The following PCSK5 variants were observed in gnomAD, a reference collection of about 807,000 sequenced individuals.
PCSK5 encodes proprotein convertase subtilisin/kexin type 5, also known as prohormone convertase 5.
In PCSK5, 129 loss-of-function variants were observed where a neutral mutation model predicts 233.2. The ratio of observed to expected loss-of-function variants is 0.55; its 90% CI spans 0.48 to 0.64. The LOEUF (loss-of-function observed/expected upper bound fraction) is 0.64, where lower values mean the gene tolerates loss of function less well. Ranked by LOEUF, PCSK5 falls within the 30% of genes least tolerant of loss-of-function variation. The probability of loss-of-function intolerance (pLI) is 0.00; values close to 1 mark genes in which losing one functional copy is unlikely to be tolerated. For missense variants in PCSK5, 2,076 were observed against 2,430.1 expected (o/e 0.85, Z 3.06); for synonymous variants, 825 against 879.2 (o/e 0.94, Z 1.09).
intron 11 of PCSK5, among the ~76,000 whole-genome samples, chr9:76,157,516 A>T (rs1196396148): frequency 2.0e-5 from 3 of 149,716 alleles, no homozygotes; most frequent in Middle Eastern, 3.2e-3. Context: ...GTAGTTATCC[A>T]AAGAGTGGTA....
At position 76,189,688 on chromosome 9, in the gene PCSK5, C is replaced by T. The variant is rs138803714; in HGVS notation, c.2568C>T (p.Cys856=). ...CAGGATTCAAGAACTGTACAAGCTGCCCTAGTGGGTATCTCTTAGACTTAG... is the reference window on the plus strand; with the variant it reads ...CAGGATTCAAGAACTGTACAAGCTGTCCTAGTGGGTATCTCTTAGACTTAG... ...NGPGFKNCTS[C]PSGYLLDLGM... is the part of the protein sequence containing the mutation. The change falls in exon 20 of 38, where the codon TGC becomes TGT. Residue 856 remains cysteine (C), a synonymous_variant. Coordinates refer to ENST00000674117, the MANE Select transcript of PCSK5 (RefSeq NM_001372043.1). The T allele has an allele frequency of 5.0e-6, 8 of 1,613,160 alleles. No individual in the cohort carries two copies. The African/African-American group carries it at 6.7e-5, about 13-fold the overall frequency.
intron 2 of PCSK5, among the ~76,000 whole-genome samples, chr9:75,954,816 C>T (rs908549229): frequency 6.6e-6 from 1 of 152,166 alleles, no homozygotes; most frequent in Non-Finnish European, 1.5e-5. Flanking sequence ...CAGTTCTGTG[C>T]TGTCCTTGCC....
Position 76,244,648 on chromosome 9 carries a change from A to AAC in PCSK5, c.3142+3964_3142+3965insAC, listed in dbSNP as rs1554711310. Among the ~76,000 whole-genome samples the AAC allele has an allele frequency of 1.9e-4, 28 of 150,462 alleles. No homozygotes were observed. The East Asian group carries it at 3.9e-3, about 21-fold the overall frequency. ...CTATCTTTTATACCTAACAAAAAAA[A>AAC]CCCTCAAATTCCAGATTAACTAGAA... is the stretch of plus-strand genomic sequence containing the variant. On this transcript the variant is annotated intron_variant, in intron 24 of 37. Coordinates refer to ENST00000674117, the MANE Select transcript of PCSK5 (RefSeq NM_001372043.1).
chr9:76,142,369 C>T (rs1030741837), intron 10 of PCSK5, among the ~76,000 whole-genome samples: 4 of 151,844 alleles, frequency 2.6e-5, no homozygotes, highest in African/African-American at 9.7e-5. Context: ...CAGAAAAGTC[C>T]TCTTTAATTT....
chr9:76,338,813 C>T, intron 35 of PCSK5, among the ~76,000 whole-genome samples: 1 of 152,100 alleles, frequency 6.6e-6, no homozygotes, highest in East Asian at 1.9e-4. Context: ...TCCCAAGCTC[C>T]ATGCCTCTTT....
intron 12 of PCSK5, among the ~76,000 whole-genome samples, chr9:76,165,809 C>CA (rs1823063114): frequency 1.3e-5 from 2 of 152,190 alleles, no homozygotes; most frequent in Admixed American, 6.5e-5. Flanking sequence ...TGTGTCTGAT[C>CA]TCTTCACTGT....
chr9:76,237,942 G>A (rs1826301353), intron 22 of PCSK5, among the ~76,000 whole-genome samples: 2 of 152,154 alleles, frequency 1.3e-5, no homozygotes, highest in South Asian at 2.1e-4. Flanking sequence ...TGCAACATGG[G>A]GTTAGTGCTA....
intron 5 of PCSK5, among the ~76,000 whole-genome samples, chr9:76,055,210 C>T (rs1039763125): frequency 1.3e-5 from 2 of 151,980 alleles, no homozygotes; most frequent in Admixed American, 6.6e-5. Flanking sequence ...TGAACATAAT[C>T]TTGTATTATT....
chr9:75,945,567 T>G (rs1824527642), intron 2 of PCSK5, among the ~76,000 whole-genome samples: 1 of 152,096 alleles, frequency 6.6e-6, no homozygotes, highest in South Asian at 2.1e-4. Flanking sequence ...TCTACAGTCA[T>G]TCTCCACAGA....
chr9:76,355,324 T>C (rs1223881316), intron 37 of PCSK5, among the ~76,000 whole-genome samples: 1 of 151,950 alleles, frequency 6.6e-6, no homozygotes, highest in African/African-American at 2.4e-5. Context: ...TACAAAAAAA[T>C]TAGCCAGGCG....
At chr9:76,302,888 C>G (rs895329732) in intron 28 of PCSK5, among the ~76,000 whole-genome samples, 1 of 151,308 alleles carries the variant, frequency 6.6e-6, no homozygotes, top group African/African-American at 2.4e-5. Flanking sequence ...TAAATGAACC[C>G]CTTGCTTTAT....
chr9:76,350,674 T>A (rs1254032509), intron 35 of PCSK5, among the ~76,000 whole-genome samples, 154 bp from the exon 36 acceptor site: 1 of 152,236 alleles, frequency 6.6e-6, no homozygotes, highest in Non-Finnish European at 1.5e-5. Context: ...ATTTCTACTT[T>A]GTGTGGGAGA....
At chr9:76,108,850 G>A (rs1323270288) in intron 9 of PCSK5, among the ~76,000 whole-genome samples, 1 of 152,168 alleles carries the variant, frequency 6.6e-6, no homozygotes, top group Non-Finnish European at 1.5e-5. Context: ...CTATGTTAAG[G>A]CAGCTGGACC....
At chr9:76,268,578 T>C (rs2131369995) in intron 24 of PCSK5, among the ~76,000 whole-genome samples, 1 of 152,338 alleles carries the variant, frequency 6.6e-6, no homozygotes, top group Non-Finnish European at 1.5e-5. Flanking sequence ...GTGCAGTGGC[T>C]CATGCCTATA....
intron 17 of PCSK5, among the ~76,000 whole-genome samples, chr9:76,185,835 A>G (rs1040635442): frequency 7.2e-5 from 11 of 152,210 alleles, no homozygotes; most frequent in Non-Finnish European, 1.5e-4. Context: ...TGATGATAAT[A>G]ATAATCCCTG....
At chr9:76,220,588 C>T (rs1034508942) in intron 20 of PCSK5, among the ~76,000 whole-genome samples, 2 of 150,580 alleles carry the variant, frequency 1.3e-5, no homozygotes, top group African/African-American at 4.9e-5. Flanking sequence ...CCCCAAACCC[C>T]ACCCTTTGGG....
chr9:76,005,772 G>T (rs1017146540), intron 3 of PCSK5, among the ~76,000 whole-genome samples: 1 of 152,134 alleles, frequency 6.6e-6, no homozygotes, highest in African/African-American at 2.4e-5. Context: ...CTCATTAAGG[G>T]CTAGGATAGT....
Position 76,027,109 on chromosome 9 carries a change from G to A in PCSK5, c.632+72G>A, listed in dbSNP as rs747010143. On this transcript the variant is annotated intron_variant, in intron 5 of 37. Coordinates refer to ENST00000674117, the MANE Select transcript of PCSK5 (RefSeq NM_001372043.1). ...TTGTTTTCTGCTCATACTGAGGGAA[G>A]TATTTTCTTCAAAATCCTTGATAAC... is the stretch of plus-strand genomic sequence containing the variant. 1.9e-5 allele frequency: 17 copies of A among 909,242 alleles called. No homozygotes were observed. In the South Asian group the frequency reaches 2.2e-4, roughly 12 times the overall value. 56.3% of individuals were successfully genotyped at this position (909,242 alleles called of 1,614,324 possible).
chr9:76,169,791 C>G lies in PCSK5; in HGVS notation c.1707C>G (p.Val569=). ...GAGAAAGAGCTGCTGGTGACTGGGT[C>G]CTTGAAGTTTATGATACTCCCTCTC... ...CWGERAAGDW[V]LEVYDTPSQL... The change falls in exon 13 of 38, where the codon GTC becomes GTG. Residue 569 remains valine (V), a synonymous_variant. Coordinates refer to ENST00000674117, the MANE Select transcript of PCSK5 (RefSeq NM_001372043.1). 6.2e-7 allele frequency: 1 copy of G among 1,613,620 alleles called. No homozygotes were observed. Among genetic ancestry groups the G allele is most frequent in the Non-Finnish European group, 8.5e-7 (1 of 1,179,646 alleles).
Sources: allele counts gnomAD v4.1 joint callset (sites outside exome capture counted in the v4.1 genomes callset), GRCh38; gene constraint gnomAD v4.1.1; transcripts MANE v1.5; gene names NCBI Gene and HGNC (gene_info 2026-07-23, HGNC 2026-07-21).